NELL1: variants seen among roughly 807,000 people sequenced by gnomAD.
The protein encoded by NELL1 is neural EGFL like 1, also known as protein kinase C-binding protein NELL1.
NELL1 carries 76 observed loss-of-function variants against 107.4 expected under a neutral mutation model. That is an observed-to-expected ratio of 0.71 (90% confidence interval 0.59 to 0.86). The LOEUF is 0.86. Ranked by LOEUF, NELL1 falls within the 40% of genes least tolerant of loss-of-function variation. The probability of loss-of-function intolerance (pLI) is 0.00; values close to 1 mark genes in which losing one functional copy is unlikely to be tolerated. For synonymous variants in NELL1, 353 were observed against 341.2 expected (o/e 1.03, Z -0.38); for missense variants, 1,024 against 1,005.5 (o/e 1.02, Z -0.25).
chr11:21,260,987 G>C (rs1360407071), intron 14 of NELL1, among the ~76,000 whole-genome samples: 1 of 151,718 alleles, frequency 6.6e-6, no homozygotes, highest in Non-Finnish European at 1.5e-5. Flanking sequence ...TATTCTTTAA[G>C]TGGAGGTAAT....
In NELL1 at chr11:21,170,359, T is replaced by C. The variant is rs535042750; in HGVS notation, c.1426+56645T>C. The stretch of plus-strand genomic sequence containing the variant: ...TTGGCTGATGTACAACTAGAAGCAG[T>C]GGCAAGTAGAGACAAGACAGAGATA... On this transcript the variant is annotated intron_variant, in intron 13 of 19. Coordinates refer to ENST00000357134, the MANE Select transcript of NELL1 (RefSeq NM_006157.5). Among the ~76,000 whole-genome samples the C allele has an allele frequency of 2.6e-3, 389 of 151,776 alleles. 5 individuals are homozygous for C. The highest frequency in any genetic ancestry group is 9.2e-3 in the African/African-American group (377 of 41,108).
At chr11:21,083,794 A>C (rs1018198702) in intron 12 of NELL1, among the ~76,000 whole-genome samples, 1 of 152,180 alleles carries the variant, frequency 6.6e-6, no homozygotes, top group Non-Finnish European at 1.5e-5. Context: ...CCCTCACTGC[A>C]TGTAGTATCA....
At chr11:21,040,150 A>G (rs1853194456) in intron 12 of NELL1, among the ~76,000 whole-genome samples, 3 of 149,754 alleles carry the variant, frequency 2.0e-5, no homozygotes, top group South Asian at 2.1e-4. Context: ...GGTTGAAATT[A>G]TTACACACAC....
chr11:21,127,957 A>G (rs1855525126), intron 13 of NELL1, among the ~76,000 whole-genome samples: 1 of 152,108 alleles, frequency 6.6e-6, no homozygotes, highest in East Asian at 1.9e-4. Context: ...TAACAGATGC[A>G]TGCATTTTTT....
chr11:20,876,126 A>T (rs981470665), intron 4 of NELL1, among the ~76,000 whole-genome samples: 9 of 152,186 alleles, frequency 5.9e-5, no homozygotes, highest in African/African-American at 2.2e-4. Context: ...TTGTATTTAC[A>T]GACAGTTGTT....
chr11:21,420,704 C>G (rs1852643446), intron 15 of NELL1, among the ~76,000 whole-genome samples: 1 of 152,092 alleles, frequency 6.6e-6, no homozygotes. Context: ...TGGAGGTTTG[C>G]TCTTATAAAA....
chr11:20,893,867 A>AAAAG (rs1849670737), intron 5 of NELL1, among the ~76,000 whole-genome samples: 1 of 151,158 alleles, frequency 6.6e-6, no homozygotes, highest in Non-Finnish European at 1.5e-5. Context: ...AAAAAAAAAA[A>AAAAG]AAAAGAAAAA....
At chr11:21,484,680 A>G (rs2133905268) in intron 15 of NELL1, among the ~76,000 whole-genome samples, 1 of 152,266 alleles carries the variant, frequency 6.6e-6, no homozygotes, top group South Asian at 2.1e-4. Context: ...ACATATATGT[A>G]TGAATAAATA....
chr11:21,522,994 A>G (rs181084526), intron 15 of NELL1, among the ~76,000 whole-genome samples: 1,562 of 151,022 alleles, frequency 0.01, 36 homozygotes, highest in East Asian at 0.074. Context: ...ACAGGCGCCC[A>G]CCACCACGCC....
chr11:20,884,460 A>G (rs1470228257), intron 4 of NELL1, among the ~76,000 whole-genome samples: 1 of 152,198 alleles, frequency 6.6e-6, no homozygotes, highest in Non-Finnish European at 1.5e-5. Context: ...TTTACAGATC[A>G]CTGTGTTTCA....
chr11:20,802,161 A>G (rs1857292867), intron 3 of NELL1, among the ~76,000 whole-genome samples: 1 of 152,028 alleles, frequency 6.6e-6, no homozygotes, highest in Non-Finnish European at 1.5e-5. Flanking sequence ...TTGAATTTGT[A>G]GATTGCTTTG....
intron 2 of NELL1, among the ~76,000 whole-genome samples, chr11:20,750,633 G>C (rs1297478146): frequency 1.3e-5 from 2 of 151,584 alleles, no homozygotes; most frequent in South Asian, 4.2e-4. Flanking sequence ...CGTCACTCAG[G>C]CTGGCTGCAA....
chr11:21,115,851 C>T (rs1399091100), intron 13 of NELL1, among the ~76,000 whole-genome samples: 1 of 152,032 alleles, frequency 6.6e-6, no homozygotes, highest in Non-Finnish European at 1.5e-5. Context: ...TCACTGCCTC[C>T]TCTCAGGAAT....
intron 2 of NELL1, among the ~76,000 whole-genome samples, chr11:20,706,449 A>T (rs982267948): frequency 4.8e-5 from 7 of 146,284 alleles, no homozygotes; most frequent in Non-Finnish European, 6.0e-5. Flanking sequence ...GTTTTTACTC[A>T]GAGGTGGGGA....
chr11:21,484,658 C>T (rs970041669), intron 15 of NELL1, among the ~76,000 whole-genome samples: 4 of 151,748 alleles, frequency 2.6e-5, no homozygotes, highest in Admixed American at 6.6e-5. Flanking sequence ...TACATATGTA[C>T]ATTACATATG....
chr11:20,770,327 A>G (rs1391792114), intron 2 of NELL1, among the ~76,000 whole-genome samples: 1 of 152,212 alleles, frequency 6.6e-6, no homozygotes, highest in African/African-American at 2.4e-5. Context: ...TAACATCTCT[A>G]AAGAGGAGGT....
intron 15 of NELL1, among the ~76,000 whole-genome samples, chr11:21,372,109 G>A (rs749967887): frequency 6.6e-6 from 1 of 151,632 alleles, no homozygotes; most frequent in Non-Finnish European, 1.5e-5. Context: ...AATAATAACT[G>A]TTTTTTCTTA....
At chr11:21,277,648 C>G (rs1426221405) in intron 14 of NELL1, among the ~76,000 whole-genome samples, 3 of 152,164 alleles carry the variant, frequency 2.0e-5, no homozygotes, top group African/African-American at 7.2e-5. Context: ...TGGAACCAAG[C>G]CAAATACCCA....
chr11:21,052,500 A>G (rs72941943), intron 12 of NELL1, among the ~76,000 whole-genome samples: 3,651 of 152,244 alleles, frequency 0.024, 84 homozygotes, highest in East Asian at 0.1. Flanking sequence ...GAGTATAGCC[A>G]ATAATTTATG....
Sources: allele counts gnomAD v4.1 joint callset (sites outside exome capture counted in the v4.1 genomes callset), GRCh38; gene constraint gnomAD v4.1.1; transcripts MANE v1.5; gene names NCBI Gene and HGNC (gene_info 2026-07-23, HGNC 2026-07-21).